Variants in DENND6A observed in about 807,000 individuals in gnomAD.
The protein encoded by DENND6A is DENN domain containing 6A.
Under a neutral mutation model 95.5 loss-of-function variants are expected in DENND6A, and 43 were observed. The ratio of observed to expected loss-of-function variants is 0.45; its 90% CI spans 0.35 to 0.58. The LOEUF is 0.58. DENND6A is among the 20% of genes least tolerant of loss of function. The pLI is 0.00. For synonymous variants in DENND6A, 257 were observed against 260.4 expected, an observed-to-expected ratio of 0.99 and a Z score of 0.13; for missense variants, 574 against 736.0, an observed-to-expected ratio of 0.78 and a Z score of 2.55.
intron 9 of DENND6A, among the ~76,000 whole-genome samples, chr3:57,656,571 A>G (rs2071331196): frequency 6.6e-6 from 1 of 150,736 alleles, no homozygotes; most frequent in African/African-American, 2.4e-5. Context: ...ACTGTGCTAG[A>G]GCAACATATA....
chr3:57,688,002 T>G (rs1295514674), intron 1 of DENND6A, among the ~76,000 whole-genome samples: 2 of 142,356 alleles, frequency 1.4e-5, no homozygotes, highest in Non-Finnish European at 3.2e-5. Context: ...TTTTTGGGTT[T>G]GTTTTTTTTT....
intron 14 of DENND6A, 43 bp downstream of exon 14, chr3:57,634,515 C>T: frequency 1.8e-6 from 2 of 1,137,978 alleles, no homozygotes; most frequent in Non-Finnish European, 2.4e-6. Context: ...TATTACATAC[C>T]TGAACAAGGA....
intron 8 of DENND6A, among the ~76,000 whole-genome samples, chr3:57,658,748 A>G (rs1474776706): frequency 1.3e-5 from 2 of 152,222 alleles, no homozygotes; most frequent in Non-Finnish European, 2.9e-5. Flanking sequence ...GTGCTTTTGG[A>G]AAAATAAAGG....
intron 18 of DENND6A, 135 bp downstream of exon 18, chr3:57,630,286 G>A: frequency 1.4e-6 from 1 of 701,056 alleles, no homozygotes; most frequent in East Asian, 3.0e-5. Flanking sequence ...TTGGCACATA[G>A]CACATGATCT....
At chr3:57,649,460 A>T (rs1352129335) in intron 9 of DENND6A, among the ~76,000 whole-genome samples, 1 of 151,924 alleles carries the variant, frequency 6.6e-6, no homozygotes, top group Admixed American at 6.6e-5. Flanking sequence ...TCCTTAAAGA[A>T]CTAAAAGTAG....
chr3:57,642,110 C>G (rs903266091), intron 11 of DENND6A, among the ~76,000 whole-genome samples: 2 of 151,842 alleles, frequency 1.3e-5, no homozygotes, highest in Non-Finnish European at 2.9e-5. Flanking sequence ...GTTAGGAGTT[C>G]GAGGCCAACC....
chr3:57,668,973 A>G (rs1301075068), intron 3 of DENND6A, among the ~76,000 whole-genome samples: 2 of 152,134 alleles, frequency 1.3e-5, no homozygotes, highest in African/African-American at 2.4e-5. Flanking sequence ...CCCTGATTCA[A>G]GAGATTCTCC....
At chr3:57,654,630 G>A (rs1441398990) in intron 9 of DENND6A, 1 of 984,474 alleles carries the variant, frequency 1.0e-6, no homozygotes, top group East Asian at 1.1e-4. Flanking sequence ...ACAGAAAACT[G>A]CCCTTCAATT....
At chr3:57,637,852 C>A (rs537312697) in intron 12 of DENND6A, among the ~76,000 whole-genome samples, 2 of 150,870 alleles carry the variant, frequency 1.3e-5, no homozygotes, top group African/African-American at 4.9e-5. Flanking sequence ...CTCCTGTGCA[C>A]AGGCCGGGCA....
At chr3:57,635,556 G>T (rs2070773789) in intron 12 of DENND6A, among the ~76,000 whole-genome samples, 1 of 152,098 alleles carries the variant, frequency 6.6e-6, no homozygotes. Flanking sequence ...AGACAATCTA[G>T]AGATTATATT....
intron 1 of DENND6A, among the ~76,000 whole-genome samples, chr3:57,679,264 T>A (rs2077137919): frequency 6.6e-6 from 1 of 152,234 alleles, no homozygotes; most frequent in Non-Finnish European, 1.5e-5. Flanking sequence ...TATTCTTTTA[T>A]CTTTCTAGCT....
chr3:57,641,614 A>C (rs1272750273), intron 12 of DENND6A, 39 bp downstream of exon 12: 3 of 1,545,772 alleles, frequency 1.9e-6, no homozygotes, highest in Non-Finnish European at 2.6e-6. Context: ...GTTCAGCAAC[A>C]CTGCACACTA....
At chr3:57,664,153 T>C (rs2071488800) in intron 4 of DENND6A, among the ~76,000 whole-genome samples, 1 of 152,232 alleles carries the variant, frequency 6.6e-6, no homozygotes, top group Admixed American at 6.5e-5. Context: ...TCTACAAAAT[T>C]CTACCTACAA....
At chr3:57,679,614 G>T in intron 1 of DENND6A, 1 of 962,972 alleles carries the variant, frequency 1.0e-6, no homozygotes, top group Non-Finnish European at 1.2e-6. Context: ...ATGTGTCCTT[G>T]TGGGAAATCA....
At chr3:57,654,176 C>T (rs919648483) in intron 9 of DENND6A, among the ~76,000 whole-genome samples, 3 of 151,244 alleles carry the variant, frequency 2.0e-5, no homozygotes, top group Admixed American at 1.3e-4. Flanking sequence ...AGGATGGTCT[C>T]GATCTCCTGA....
chr3:57,645,674 G>T lies in DENND6A; in HGVS notation c.1024C>A (p.Arg342Ser). ...HDSEFKEYTT[R>S]TQAPPSVILG... ...ATTTTTACTTACGGAGCTTGGGTAC[G>T]GGTAGTATATTCTTTGAATTCACTA... The change falls in exon 11 of 20, where the codon CGT becomes AGT. Residue 342 changes from arginine to serine, a missense_variant. By Grantham distance (110) the Arg-to-Ser change is moderately radical (BLOSUM62 -1). This residue lies in a region of DENND6A where 452 missense variants were observed against 630.9 expected (regional missense o/e 0.72). Transcript: ENST00000311128. 6.2e-7 allele frequency: 1 copy of T among 1,611,506 alleles called. No homozygotes were observed. Among genetic ancestry groups the T allele is most frequent in the South Asian group, 1.1e-5 (1 of 90,816 alleles).
At chr3:57,667,768 T>C (rs1424135026) in intron 3 of DENND6A, among the ~76,000 whole-genome samples, 1 of 152,190 alleles carries the variant, frequency 6.6e-6, no homozygotes, top group Non-Finnish European at 1.5e-5. Flanking sequence ...ATTGCTGTAA[T>C]AAATTTGGAC....
chr3:57,680,764 AAAAAAT>A (rs1434064233), intron 1 of DENND6A, among the ~76,000 whole-genome samples: 1 of 138,840 alleles, frequency 7.2e-6, no homozygotes, highest in Admixed American at 7.9e-5. Context: ...ATACTTCTCC[AAAAAAT>A]AAAAATGAAA....
At chr3:57,638,715 G>A (rs1214490237) in intron 12 of DENND6A, among the ~76,000 whole-genome samples, 2 of 151,790 alleles carry the variant, frequency 1.3e-5, no homozygotes, top group Non-Finnish European at 2.9e-5. Flanking sequence ...ACAATGGAAA[G>A]ATACTCAATA....
Sources: gnomAD v4.1 joint callset for allele counts (sites outside exome capture counted in the v4.1 genomes callset) on GRCh38, gnomAD v4.1.1 for gene constraint, gnomAD v4.1.1 regional missense constraint, MANE v1.5 for transcripts, NCBI Gene and HGNC (gene_info 2026-07-23, HGNC 2026-07-21) for gene names.